FER: variants seen among roughly 807,000 people sequenced by gnomAD.
FER encodes tyrosine-protein kinase Fer.
A neutral mutation model predicts 111.0 loss-of-function variants in FER; 63 were observed. That is an observed-to-expected ratio of 0.57 (90% CI 0.46 to 0.70). FER has a LOEUF of 0.70. Ranked by LOEUF, FER falls within the 30% of genes least tolerant of loss-of-function variation. The probability of loss-of-function intolerance (pLI) is 0.00; values close to 1 mark genes in which losing one functional copy is unlikely to be tolerated. For missense variants in FER, 914 were observed against 954.0 expected, an observed-to-expected ratio of 0.96 and a Z score of 0.55; for synonymous variants, 327 against 313.9, an observed-to-expected ratio of 1.04 and a Z score of -0.44.
At chr5:108,918,472 A>G (rs1366522473) in intron 10 of FER, among the ~76,000 whole-genome samples, 1 of 151,088 alleles carries the variant, frequency 6.6e-6, no homozygotes, top group African/African-American at 2.4e-5. Flanking sequence ...TGGGTAGTGG[A>G]CTGGGTGTGT....
At chr5:109,054,981 A>G (rs1184225757) in intron 16 of FER, among the ~76,000 whole-genome samples, 1 of 152,206 alleles carries the variant, frequency 6.6e-6, no homozygotes, top group Admixed American at 6.5e-5. Flanking sequence ...TCTTGATGAC[A>G]GTAGCTTTAT....
At chr5:108,827,895 C>G (rs1172484500) in intron 3 of FER, among the ~76,000 whole-genome samples, 1 of 144,300 alleles carries the variant, frequency 6.9e-6, no homozygotes, top group African/African-American at 2.6e-5. Context: ...GTGGCAAAGT[C>G]ATAGCTCACT....
chr5:109,004,173 A>C (rs1196128774), intron 13 of FER, among the ~76,000 whole-genome samples: 1 of 152,178 alleles, frequency 6.6e-6, no homozygotes, highest in Non-Finnish European at 1.5e-5. Flanking sequence ...GAGCTATCCT[A>C]TGCTCTAAAT....
At chr5:108,867,997 T>A in intron 6 of FER, 47 bp downstream of exon 6, 1 of 1,545,434 alleles carries the variant, frequency 6.5e-7, no homozygotes, top group Non-Finnish European at 8.8e-7. Flanking sequence ...ACAAAATGAT[T>A]TCAACATATT....
chr5:108,942,274 A>G (rs1461427663), intron 10 of FER, among the ~76,000 whole-genome samples: 1 of 152,068 alleles, frequency 6.6e-6, no homozygotes, highest in African/African-American at 2.4e-5. Context: ...GATTTATGAC[A>G]TTTTACAACC....
At chr5:109,029,069 C>T (rs752247590) in intron 13 of FER, among the ~76,000 whole-genome samples, 139 of 152,124 alleles carry the variant, frequency 9.1e-4, no homozygotes, top group Non-Finnish European at 1.6e-3. Context: ...TAGTTTAGTT[C>T]TCATTTTCAC....
chr5:108,886,594 G>C (rs954159537), intron 9 of FER, among the ~76,000 whole-genome samples: 2 of 151,436 alleles, frequency 1.3e-5, no homozygotes, highest in African/African-American at 4.8e-5. Context: ...ATAGTAAATG[G>C]TAGAAAAGAC....
At chr5:109,121,243 C>T (rs972326600) in intron 17 of FER, among the ~76,000 whole-genome samples, 2 of 152,052 alleles carry the variant, frequency 1.3e-5, no homozygotes, top group African/African-American at 4.8e-5. Flanking sequence ...TCATGTATGG[C>T]TTTTAATATG....
At chr5:108,863,010 G>A (rs1763681003) in intron 5 of FER, among the ~76,000 whole-genome samples, 1 of 152,188 alleles carries the variant, frequency 6.6e-6, no homozygotes, top group Non-Finnish European at 1.5e-5. Context: ...GATCTTGGAT[G>A]TCAGCTCCAT....
At chr5:108,936,529 A>G (rs1396116433) in intron 10 of FER, among the ~76,000 whole-genome samples, 1 of 151,998 alleles carries the variant, frequency 6.6e-6, no homozygotes, top group Admixed American at 6.6e-5. Flanking sequence ...ACTTCTGAAA[A>G]TACCCAGTGT....
At chr5:109,156,576 T>C (rs945880513) in intron 17 of FER, among the ~76,000 whole-genome samples, 1 of 151,736 alleles carries the variant, frequency 6.6e-6, no homozygotes, top group Non-Finnish European at 1.5e-5. Flanking sequence ...TAGAAGTATA[T>C]GAGATGATCT....
At chr5:109,003,329 A>T (rs868634738) in intron 13 of FER, among the ~76,000 whole-genome samples, 50 of 152,238 alleles carry the variant, frequency 3.3e-4, no homozygotes, top group African/African-American at 1.2e-3. Flanking sequence ...ACATGGATGA[A>T]GATGGAAACC....
intron 3 of FER, among the ~76,000 whole-genome samples, chr5:108,809,636 C>G (rs1178890826): frequency 6.6e-6 from 1 of 152,198 alleles, no homozygotes; most frequent in African/African-American, 2.4e-5. Context: ...GATCACAGCT[C>G]TCTTCAGCCT....
intron 2 of FER, among the ~76,000 whole-genome samples, chr5:108,797,585 A>G (rs1317767842): frequency 6.6e-6 from 1 of 152,210 alleles, no homozygotes; most frequent in African/African-American, 2.4e-5. Flanking sequence ...TACTCTGTGC[A>G]CCATGTGGCC....
chr5:108,975,150 G>C (rs2149707556), intron 13 of FER, among the ~76,000 whole-genome samples: 1 of 152,248 alleles, frequency 6.6e-6, no homozygotes, highest in East Asian at 1.9e-4. Flanking sequence ...ACTAACACAG[G>C]AACAGAAAAC....
intron 8 of FER, among the ~76,000 whole-genome samples, chr5:108,876,599 G>A (rs1765114785): frequency 6.6e-6 from 1 of 152,136 alleles, no homozygotes; most frequent in African/African-American, 2.4e-5. Context: ...GGATTATTTT[G>A]TTATTGAATT....
rs934766690 is a variant in FER, at chr5:108,897,165, A to C, written c.1047-494A>C. On this transcript the variant is annotated intron_variant, in intron 9 of 19. Transcript: ENST00000281092. ...TACATCTTAGCCCTTAGTCCTTGTC[A>C]TAGTAGTTTCACTTGCCGCCAGACA... Among the ~76,000 whole-genome samples the C allele has an allele frequency of 2.6e-5, 4 of 152,164 alleles. 1 individual carries two copies. In the South Asian group the frequency reaches 8.3e-4, roughly 32 times the overall value.
Position 108,914,231 on chromosome 5 carries a change from CTGTGTGTGTG to C in FER, c.1236+16405_1236+16414del, listed in dbSNP as rs35365353. 5.6e-4 allele frequency among the ~76,000 whole-genome samples: 79 copies of C among 141,246 alleles called. 1 individual carries two copies. The highest frequency in any genetic ancestry group is 2.0e-3 in the African/African-American group (77 of 39,144). The allele number at this position is 141,246 out of a possible 152,430, so 92.7% of individuals were successfully genotyped here. A position where few individuals can be genotyped will look rare whatever the true frequency, so the allele number is the denominator to read the frequency against. The stretch of plus-strand genomic sequence containing the variant: ...ATGAAAGCATGCTTAACTTGTCTCT[CTGTGTGTGTG>C]TGTGTGTGTGTGTGTGTGTGTATGT... On this transcript the variant is annotated intron_variant, in intron 10 of 19. Coordinates refer to ENST00000281092, the MANE Select transcript of FER (RefSeq NM_005246.4).
chr5:109,187,182 AT>A lies in FER; in HGVS notation c.2327-250del, dbSNP rs541281781. On this transcript the variant is annotated intron_variant, in intron 19 of 19. Coordinates refer to ENST00000281092, the MANE Select transcript of FER (RefSeq NM_005246.4). ...CAACTAAAATATGCATTTGTATTGT[AT>A]CTTACATCAGACTTTCTGAGAAATG... 1.2e-4 allele frequency among the ~76,000 whole-genome samples: 18 copies of A among 151,668 alleles called. No homozygotes were observed. In the East Asian group the frequency reaches 2.9e-3, roughly 24 times the overall value.
Sources: allele counts gnomAD v4.1 joint callset (sites outside exome capture counted in the v4.1 genomes callset), GRCh38; gene constraint gnomAD v4.1.1; transcripts MANE v1.5; gene names NCBI Gene and HGNC (gene_info 2026-07-23, HGNC 2026-07-21).